The following NKAIN2 variants were observed in gnomAD, a reference collection of about 807,000 sequenced individuals.
NKAIN2 encodes sodium/potassium transporting ATPase interacting 2, also known as sodium/potassium-transporting ATPase subunit beta-1-interacting protein 2.
In NKAIN2, 14 loss-of-function variants were observed where a neutral mutation model predicts 32.6. That is an observed-to-expected ratio of 0.43 (90% CI 0.28 to 0.67). The LOEUF (loss-of-function observed/expected upper bound fraction) is 0.67. NKAIN2 is among the 30% of genes least tolerant of loss of function. The pLI is 0.17. For synonymous variants in NKAIN2, 80 were observed against 87.2 expected (o/e 0.92, Z 0.46); for missense variants, 198 against 258.3 (o/e 0.77, Z 1.60).
intron 1 of NKAIN2, among the ~76,000 whole-genome samples, chr6:124,265,709 G>T (rs1222298237): frequency 6.6e-6 from 1 of 152,134 alleles, no homozygotes; most frequent in Non-Finnish European, 1.5e-5. Flanking sequence ...GCATTTACAG[G>T]GCTGTAATTA....
chr6:124,359,539 GA>G (rs897666674), intron 3 of NKAIN2, among the ~76,000 whole-genome samples: 1 of 152,130 alleles, frequency 6.6e-6, no homozygotes, highest in Non-Finnish European at 1.5e-5. Flanking sequence ...AAGCAATTGT[GA>G]ATGGGAGTTC....
At chr6:124,128,035 G>T (rs889690678) in intron 1 of NKAIN2, among the ~76,000 whole-genome samples, 6 of 152,020 alleles carry the variant, frequency 3.9e-5, no homozygotes, top group Non-Finnish European at 8.8e-5. Flanking sequence ...CACCATGTTG[G>T]CCAGGCTGGT....
At position 124,014,898 on chromosome 6, in the gene NKAIN2, T is replaced by G. The variant is rs192332530; in HGVS notation, c.54+210644T>G. Among the ~76,000 whole-genome samples, 230 of 152,242 alleles carry G rather than the reference T, an allele frequency of 1.5e-3. No individual in the cohort carries two copies. The Middle Eastern group carries it at 0.02, about 14-fold the overall frequency. ...ACATTTATTACTTGTTTAACGTATC[T>G]CCCTCTAATGGACACATTTTTTCCA... On this transcript the variant is annotated intron_variant, in intron 1 of 6. Transcript: ENST00000368417.
intron 1 of NKAIN2, among the ~76,000 whole-genome samples, chr6:123,979,475 C>A (rs1248656927): frequency 6.6e-6 from 1 of 152,140 alleles, no homozygotes; most frequent in East Asian, 1.9e-4. Context: ...TGGACAATTT[C>A]AGTTCCATTA....
chr6:124,162,629 G>C (rs568082788), intron 1 of NKAIN2, among the ~76,000 whole-genome samples: 20 of 152,146 alleles, frequency 1.3e-4, no homozygotes, highest in African/African-American at 4.8e-4. Context: ...AGGAGAATCG[G>C]TGGTGAATGT....
chr6:124,546,203 A>C (rs1179793033), intron 3 of NKAIN2, among the ~76,000 whole-genome samples: 3 of 152,164 alleles, frequency 2.0e-5, no homozygotes, highest in Non-Finnish European at 4.4e-5. Context: ...ATGTTAATAG[A>C]ACAGGAGTGG....
At chr6:124,231,075 C>T (rs1372106734) in intron 1 of NKAIN2, among the ~76,000 whole-genome samples, 4 of 152,240 alleles carry the variant, frequency 2.6e-5, no homozygotes, top group Non-Finnish European at 4.4e-5. Flanking sequence ...CTACCCAAGA[C>T]CGTGGGAACC....
chr6:123,849,903 T>A (rs1775244543), intron 1 of NKAIN2, among the ~76,000 whole-genome samples: 2 of 151,610 alleles, frequency 1.3e-5, no homozygotes, highest in Non-Finnish European at 2.9e-5. Context: ...CAATTTTCTT[T>A]AAAAAAATTT....
chr6:124,597,658 ACT>A (rs2114973874), intron 3 of NKAIN2, among the ~76,000 whole-genome samples: 1 of 152,252 alleles, frequency 6.6e-6, no homozygotes, highest in South Asian at 2.1e-4. Flanking sequence ...GGATTCTTTA[ACT>A]CTCTACCTCT....
chr6:124,790,765 G>A (rs1779713265), intron 4 of NKAIN2, among the ~76,000 whole-genome samples: 1 of 152,058 alleles, frequency 6.6e-6, no homozygotes, highest in Non-Finnish European at 1.5e-5. Context: ...CATATTCAAT[G>A]CATTTTGATG....
intron 3 of NKAIN2, among the ~76,000 whole-genome samples, chr6:124,584,798 GA>G (rs1309472089): frequency 3.9e-5 from 6 of 152,084 alleles, no homozygotes; most frequent in Non-Finnish European, 8.8e-5. Flanking sequence ...CAAAACACAG[GA>G]AATAACAAAT....
chr6:124,401,324 C>T (rs1378073707), intron 3 of NKAIN2, among the ~76,000 whole-genome samples: 1 of 152,136 alleles, frequency 6.6e-6, no homozygotes, highest in Non-Finnish European at 1.5e-5. Context: ...AATATTTGAG[C>T]ATTCCTGCTG....
At chr6:124,181,005 A>G (rs1369949756) in intron 1 of NKAIN2, among the ~76,000 whole-genome samples, 4 of 152,206 alleles carry the variant, frequency 2.6e-5, no homozygotes, top group African/African-American at 2.4e-5. Context: ...GAGGTTCTCC[A>G]TGAAGGTTCT....
intron 3 of NKAIN2, among the ~76,000 whole-genome samples, chr6:124,484,773 G>A (rs748029121): frequency 1.4e-4 from 22 of 152,092 alleles, no homozygotes; most frequent in South Asian, 2.1e-4. Flanking sequence ...AAACATGCAT[G>A]TATGAATAAA....
intron 4 of NKAIN2, among the ~76,000 whole-genome samples, chr6:124,783,247 A>G (rs1779353176): frequency 6.6e-6 from 1 of 152,166 alleles, no homozygotes. Flanking sequence ...TAACTTTTTG[A>G]TAAGTTTGGA....
At position 124,080,568 on chromosome 6, in the gene NKAIN2, C is replaced by A. The variant is rs533544651; in HGVS notation, c.55-202437C>A. On this transcript the variant is annotated intron_variant, in intron 1 of 6. Transcript: ENST00000368417. Reference sequence around the variant, plus strand: ...TGTTGCTAATGTTGTTTGTAATAATCCCTTGAGTTTATATTAGACCAAAAA... The same window carrying A: ...TGTTGCTAATGTTGTTTGTAATAATACCTTGAGTTTATATTAGACCAAAAA... 1.1e-4 allele frequency among the ~76,000 whole-genome samples: 16 copies of A among 151,994 alleles called. 1 individual carries two copies. In the South Asian group the frequency reaches 3.3e-3, roughly 32 times the overall value.
intron 1 of NKAIN2, among the ~76,000 whole-genome samples, chr6:124,053,176 A>C (rs1582542865): frequency 6.6e-6 from 1 of 152,176 alleles, no homozygotes. Flanking sequence ...TTTGTTGCAC[A>C]GATTATTTCA....
intron 3 of NKAIN2, among the ~76,000 whole-genome samples, chr6:124,484,712 A>G (rs1048977943): frequency 3.3e-5 from 5 of 152,212 alleles, no homozygotes; most frequent in African/African-American, 1.2e-4. Context: ...AAAGCCCTCC[A>G]GGACATGGTT....
intron 3 of NKAIN2, among the ~76,000 whole-genome samples, chr6:124,374,934 C>G (rs1799919625): frequency 6.6e-6 from 1 of 152,046 alleles, no homozygotes; most frequent in African/African-American, 2.4e-5. Flanking sequence ...GAAATGGCCT[C>G]TGCTATCTCC....
Sources: gnomAD v4.1 joint callset for allele counts (sites outside exome capture counted in the v4.1 genomes callset) on GRCh38, gnomAD v4.1.1 for gene constraint, MANE v1.5 for transcripts, NCBI Gene and HGNC (gene_info 2026-07-23, HGNC 2026-07-21) for gene names.